DMD: variants seen among roughly 807,000 people sequenced by gnomAD.
DMD encodes the protein dystrophin.
A neutral mutation model predicts 330.1 loss-of-function variants in DMD; 63 were observed. The observed-to-expected ratio is 0.19, with a 90% CI of 0.16 to 0.24. DMD has a LOEUF of 0.24. Among genes scored for constraint, DMD ranks in the 10% least tolerant of loss-of-function variants. DMD has a pLI of 1.00. For synonymous variants in DMD, 1,223 were observed against 959.8 expected, an observed-to-expected ratio of 1.27 and a Z score of -5.07; for missense variants, 3,344 against 2,684.1, an observed-to-expected ratio of 1.25 and a Z score of -5.43.
chrX:31,536,151 C>T (rs1280304571), intron 55 of DMD, among the ~76,000 whole-genome samples: 2 of 111,436 alleles, frequency 1.8e-5, no homozygotes, highest in Non-Finnish European at 3.8e-5. Flanking sequence ...TTGGACTAGT[C>T]ACATGGCCTG....
intron 55 of DMD, among the ~76,000 whole-genome samples, chrX:31,579,201 T>C (rs1212668618): frequency 2.7e-5 from 3 of 112,198 alleles, no homozygotes; most frequent in Non-Finnish European, 3.8e-5. Flanking sequence ...CCAGAAGATG[T>C]TTCCAAGAAG....
intron 41 of DMD, among the ~76,000 whole-genome samples, chrX:32,335,747 A>T (rs1341604284): frequency 1.0e-5 from 1 of 100,314 alleles, no homozygotes; most frequent in Admixed American, 1.1e-4. Context: ...ACATGTGTAT[A>T]TAGGCATAAC....
In DMD at chrX:31,912,181, C is replaced by A. The variant is rs1027174546; in HGVS notation, c.6912+17415G>T. On this transcript the variant is annotated intron_variant, in intron 47 of 78. Coordinates refer to ENST00000357033, the MANE Select transcript of DMD (RefSeq NM_004006.3). The stretch of plus-strand genomic sequence containing the variant: ...CCTGACCCACTACCGCTTTCTGAAT[C>A]CCGGCGAAACCACTACATTTGAGAA... 4.5e-5 allele frequency among the ~76,000 whole-genome samples: 5 copies of A among 110,859 alleles called. No individual in the cohort carries two copies. In the Admixed American group the frequency reaches 4.8e-4, roughly 11 times the overall value.
intron 2 of DMD, among the ~76,000 whole-genome samples, chrX:32,891,743 G>A (rs2085223481): frequency 8.9e-6 from 1 of 111,742 alleles, no homozygotes; most frequent in Non-Finnish European, 1.9e-5. Context: ...ACTACATTAT[G>A]TACCCATTAG....
At chrX:31,903,049 C>A (rs755293080) in intron 47 of DMD, among the ~76,000 whole-genome samples, 1 of 111,132 alleles carries the variant, frequency 9.0e-6, no homozygotes, top group East Asian at 2.8e-4. Flanking sequence ...ACAATGACAT[C>A]CAATAAAATT....
intron 9 of DMD, among the ~76,000 whole-genome samples, chrX:32,689,680 C>T (rs975046646): frequency 9.0e-6 from 1 of 110,583 alleles, no homozygotes; most frequent in Admixed American, 9.7e-5. Flanking sequence ...TTTAACAACA[C>T]ATTAAAAGGA....
At chrX:32,886,411 C>T (rs1430927296) in intron 2 of DMD, among the ~76,000 whole-genome samples, 2 of 110,637 alleles carry the variant, frequency 1.8e-5, no homozygotes, top group Non-Finnish European at 3.8e-5. Flanking sequence ...TGGCTGGGCA[C>T]GGTGGCTCAA....
At chrX:32,262,933 A>G (rs2097329328) in intron 43 of DMD, among the ~76,000 whole-genome samples, 1 of 111,666 alleles carries the variant, frequency 9.0e-6, no homozygotes, top group Admixed American at 9.5e-5. Flanking sequence ...TCACTGCATC[A>G]TCATTCAACT....
intron 74 of DMD, among the ~76,000 whole-genome samples, chrX:31,168,649 C>A (rs1002691558): frequency 8.9e-6 from 1 of 111,929 alleles, no homozygotes; most frequent in African/African-American, 3.2e-5. Flanking sequence ...CAAATCTGAG[C>A]AACATCTACT....
intron 20 of DMD, among the ~76,000 whole-genome samples, chrX:32,485,664 A>G: frequency 9.4e-6 from 1 of 106,530 alleles, no homozygotes; most frequent in East Asian, 2.9e-4. Context: ...CCCAAATATA[A>G]AAATATATCT....
chrX:31,818,698 A>G (rs1170128256), intron 50 of DMD, among the ~76,000 whole-genome samples: 1 of 109,897 alleles, frequency 9.1e-6, no homozygotes, highest in Non-Finnish European at 1.9e-5. Context: ...AACCTGACAC[A>G]GTTGAGTATA....
intron 64 of DMD, among the ~76,000 whole-genome samples, chrX:31,218,130 A>G (rs759733855): frequency 9.0e-6 from 1 of 111,564 alleles, no homozygotes; most frequent in South Asian, 3.8e-4. Flanking sequence ...GAGCAGGAAA[A>G]TCGAATAATG....
At chrX:31,921,256 T>A (rs1266993882) in intron 47 of DMD, among the ~76,000 whole-genome samples, 2 of 112,037 alleles carry the variant, frequency 1.8e-5, no homozygotes, top group Non-Finnish European at 3.8e-5. Context: ...GTGAGAATGC[T>A]GGTGTTTGAA....
At chrX:31,882,506 T>C (rs1428630623) in intron 47 of DMD, among the ~76,000 whole-genome samples, 1 of 111,593 alleles carries the variant, frequency 9.0e-6, no homozygotes, top group African/African-American at 3.2e-5. Context: ...AAACAAGACA[T>C]AAAAAGCATT....
chrX:32,708,725 T>C (rs1362263843), intron 7 of DMD, among the ~76,000 whole-genome samples: 1 of 110,710 alleles, frequency 9.0e-6, no homozygotes, highest in Non-Finnish European at 1.9e-5. Context: ...AAGAAACGAG[T>C]GGACCATTGG....
Position 31,350,626 on chromosome X carries a change from TGTGTGTGAGA to T in DMD, c.9085-2002_9085-1993del, listed in dbSNP as rs1234855048. On this transcript the variant is annotated intron_variant, in intron 60 of 78. Coordinates refer to ENST00000357033, the MANE Select transcript of DMD (RefSeq NM_004006.3). ...GTGTGTGTGTGTGTGTGTGTGTGTGTGTGTGTGAGAGAGAGAGAGAGAGAGAGAGAGAGAA... is the reference window on the plus strand; with the variant it reads ...GTGTGTGTGTGTGTGTGTGTGTGTGTGAGAGAGAGAGAGAGAGAGAGAGAA... Among the ~76,000 whole-genome samples the T allele has an allele frequency of 9.4e-3, 454 of 48,239 alleles. 3 individuals carry two copies. The highest frequency in any genetic ancestry group is 0.024 in the Middle Eastern group (2 of 82). The allele number at this position is 48,239 out of a possible 115,157, so 41.9% of individuals were successfully genotyped here.
At chrX:31,155,657 T>C (rs1402614677) in intron 74 of DMD, among the ~76,000 whole-genome samples, 1 of 111,510 alleles carries the variant, frequency 9.0e-6, no homozygotes, top group Non-Finnish European at 1.9e-5. Flanking sequence ...AGATGAACTT[T>C]AAAAACTGGA....
At chrX:31,827,653 G>T (rs7061575) in intron 49 of DMD, among the ~76,000 whole-genome samples, 2,550 of 111,513 alleles carry the variant, frequency 0.023, 73 homozygotes, top group African/African-American at 0.079. Context: ...CATTCTCCAA[G>T]ACAGGTCATA....
At chrX:32,359,171 C>T (rs1277359916) in intron 37 of DMD, among the ~76,000 whole-genome samples, 1 of 111,781 alleles carries the variant, frequency 8.9e-6, no homozygotes, top group African/African-American at 3.3e-5. Context: ...ACAGTCAAGT[C>T]CTCAGCCAAT....
Sources: gnomAD v4.1 joint callset for allele counts (sites outside exome capture counted in the v4.1 genomes callset) on GRCh38, gnomAD v4.1.1 for gene constraint, MANE v1.5 for transcripts, NCBI Gene and HGNC (gene_info 2026-07-23, HGNC 2026-07-21) for gene names.